Variants in DIS3L2 observed in about 807,000 individuals in gnomAD.
DIS3L2 encodes the protein DIS3-like exonuclease 2.
A neutral mutation model predicts 97.5 loss-of-function variants in DIS3L2; 34 were observed. That is an observed-to-expected ratio of 0.35 (90% CI 0.27 to 0.46). DIS3L2 has a LOEUF of 0.46. DIS3L2 is among the 20% of genes least tolerant of loss of function. DIS3L2 has a pLI of 1.00. For missense variants in DIS3L2, 1,038 were observed against 1,146.0 expected (o/e 0.91, Z 1.36); for synonymous variants, 435 against 445.2 (o/e 0.98, Z 0.29).
chr2:232,342,382 CAA>C (rs1041203681), intron 13 of DIS3L2, among the ~76,000 whole-genome samples: 6 of 151,576 alleles, frequency 4.0e-5, no homozygotes, highest in Non-Finnish European at 7.4e-5. Context: ...AGTAAAACAC[CAA>C]GAGAGAGGAA....
intron 13 of DIS3L2, among the ~76,000 whole-genome samples, chr2:232,274,448 G>A (rs1228604423): frequency 6.6e-6 from 1 of 152,198 alleles, no homozygotes; most frequent in Non-Finnish European, 1.5e-5. Context: ...ACCTGCATTA[G>A]GGAAGGGGAA....
In DIS3L2 at chr2:232,255,265, G is replaced by C. The variant is rs139099392; in HGVS notation, c.1425+5919G>C. On this transcript the variant is annotated intron_variant, in intron 12 of 20. Coordinates refer to ENST00000325385, the MANE Select transcript of DIS3L2 (RefSeq NM_152383.5). ...GTGGCCAAAGTCTGAGGCTGGTTTT[G>C]CATGCAGTGGTGACTTCTCTTGGCG... Among the ~76,000 whole-genome samples, 415 of 152,334 alleles carry C rather than the reference G, an allele frequency of 2.7e-3. 2 individuals are homozygous for C. The highest frequency in any genetic ancestry group is 3.6e-3 in the Non-Finnish European group (247 of 68,026).
chr2:232,166,366 T>C (rs1471227718), intron 9 of DIS3L2, among the ~76,000 whole-genome samples: 2 of 152,154 alleles, frequency 1.3e-5, no homozygotes, highest in Non-Finnish European at 1.5e-5. Context: ...TGTGAAAGGA[T>C]CCAAAGACAG....
intron 11 of DIS3L2, among the ~76,000 whole-genome samples, chr2:232,241,006 TGAAA>T (rs1693064840): frequency 6.6e-6 from 1 of 152,250 alleles, no homozygotes; most frequent in Non-Finnish European, 1.5e-5. Flanking sequence ...TGCTGAGTTG[TGAAA>T]GTGGGGAGCT....
intron 13 of DIS3L2, among the ~76,000 whole-genome samples, chr2:232,264,621 G>T (rs935037259): frequency 6.6e-6 from 1 of 152,174 alleles, no homozygotes; most frequent in Non-Finnish European, 1.5e-5. Context: ...AAATGAGGTG[G>T]GTAGGAGCGT....
chr2:231,995,768 G>A (rs567770133), intron 1 of DIS3L2, among the ~76,000 whole-genome samples: 1 of 152,268 alleles, frequency 6.6e-6, no homozygotes, highest in East Asian at 1.9e-4. Context: ...ATTTTGTTTA[G>A]CAGTTATAAT....
intron 20 of DIS3L2, chr2:232,336,254 A>G: frequency 1.3e-6 from 2 of 1,543,558 alleles, no homozygotes; most frequent in South Asian, 2.4e-5. Context: ...GTTGTGTTTC[A>G]TAAGCCTTGG....
downstream of DIS3L2, among the ~76,000 whole-genome samples, chr2:232,337,443 AG>A (rs1184320914): frequency 6.6e-6 from 1 of 151,712 alleles, no homozygotes; most frequent in African/African-American, 2.4e-5. Flanking sequence ...GGCCTGGGGG[AG>A]GGGAGGAGGG....
intron 8 of DIS3L2, among the ~76,000 whole-genome samples, chr2:232,145,790 A>G (rs1434546830): frequency 6.6e-6 from 1 of 152,146 alleles, no homozygotes; most frequent in African/African-American, 2.4e-5. Context: ...AATAGGTACA[A>G]AGCATTAATT....
chr2:232,160,028 T>C (rs1690605812), intron 8 of DIS3L2, among the ~76,000 whole-genome samples: 1 of 152,240 alleles, frequency 6.6e-6, no homozygotes, highest in Non-Finnish European at 1.5e-5. Context: ...AAATTTTCTT[T>C]TTCAATAACT....
At chr2:232,028,009 C>G (rs1694706776) in intron 4 of DIS3L2, among the ~76,000 whole-genome samples, 1 of 152,138 alleles carries the variant, frequency 6.6e-6, no homozygotes, top group African/African-American at 2.4e-5. Flanking sequence ...AGCTCTCTAA[C>G]TTTTTAATGC....
At chr2:232,019,495 T>A (rs1574815969) in intron 3 of DIS3L2, among the ~76,000 whole-genome samples, 1 of 150,864 alleles carries the variant, frequency 6.6e-6, no homozygotes. Flanking sequence ...CTATGGTAGG[T>A]AAGTCATGAT....
intron 6 of DIS3L2, among the ~76,000 whole-genome samples, chr2:232,098,946 C>T (rs1358967367): frequency 1.3e-5 from 2 of 152,074 alleles, no homozygotes; most frequent in Non-Finnish European, 2.9e-5. Flanking sequence ...CACTAGATCA[C>T]AAAGATATTC....
At chr2:232,143,166 A>AT (rs1412582677) in intron 8 of DIS3L2, among the ~76,000 whole-genome samples, 4 of 152,056 alleles carry the variant, frequency 2.6e-5, no homozygotes, top group African/African-American at 9.6e-5. Flanking sequence ...TTCTTGTTAT[A>AT]TTTTTTTCTG....
chr2:231,985,809 A>G (rs1056254808), intron 1 of DIS3L2, among the ~76,000 whole-genome samples: 1 of 152,162 alleles, frequency 6.6e-6, no homozygotes, highest in Non-Finnish European at 1.5e-5. Context: ...TTAGGTGTCA[A>G]CTTGATTGGA....
chr2:232,333,756 G>GAAATATCGC, intron 16 of DIS3L2, 84 bp from the exon 17 acceptor site: 5 of 1,487,182 alleles, frequency 3.4e-6, no homozygotes, highest in South Asian at 1.4e-5. Context: ...CGCTGCCGAC[G>GAAATATCGC]GTGAGGCTGT....
intron 14 of DIS3L2, among the ~76,000 whole-genome samples, chr2:232,304,320 T>C (rs1694933821): frequency 6.6e-6 from 1 of 152,152 alleles, no homozygotes; most frequent in South Asian, 2.1e-4. Context: ...AAGTGATTTG[T>C]GAGAATTCAG....
chr2:232,008,526 T>C (rs1694112152), intron 1 of DIS3L2, among the ~76,000 whole-genome samples: 1 of 152,214 alleles, frequency 6.6e-6, no homozygotes. Context: ...AGGATGTCTA[T>C]GCTGGAAGCA....
intron 9 of DIS3L2, among the ~76,000 whole-genome samples, chr2:232,187,965 C>T (rs1212473289): frequency 6.6e-6 from 1 of 152,058 alleles, no homozygotes; most frequent in African/African-American, 2.4e-5. Flanking sequence ...GGTGAAACTC[C>T]GTCTCTACCA....
Sources: gnomAD v4.1 joint callset for allele counts (sites outside exome capture counted in the v4.1 genomes callset) on GRCh38, gnomAD v4.1.1 for gene constraint, MANE v1.5 for transcripts, NCBI Gene and HGNC (gene_info 2026-07-23, HGNC 2026-07-21) for gene names.